ADAMTS9: variants seen among roughly 807,000 people sequenced by gnomAD.
ADAMTS9 encodes the protein A disintegrin and metalloproteinase with thrombospondin motifs 9.
In ADAMTS9, 107 loss-of-function variants were observed where a neutral mutation model predicts 257.1. The ratio of observed to expected loss-of-function variants is 0.42; its 90% CI spans 0.36 to 0.49. The LOEUF (loss-of-function observed/expected upper bound fraction) is 0.49, where lower values mean the gene tolerates loss of function less well. Among genes scored for constraint, ADAMTS9 ranks in the 20% least tolerant of loss-of-function variants. The probability of loss-of-function intolerance (pLI) is 0.03; values close to 1 mark genes in which losing one functional copy is unlikely to be tolerated. For missense variants in ADAMTS9, 2,353 were observed against 2,469.1 expected, an observed-to-expected ratio of 0.95 and a Z score of 1.00; for synonymous variants, 982 against 880.9, an observed-to-expected ratio of 1.11 and a Z score of -2.03.
At chr3:64,621,755 C>A (rs1314893444) in intron 18 of ADAMTS9, among the ~76,000 whole-genome samples, 2 of 145,946 alleles carry the variant, frequency 1.4e-5, no homozygotes, top group South Asian at 4.3e-4. Context: ...GACCAAGACT[C>A]CATCTCAAAA....
intron 23 of ADAMTS9, among the ~76,000 whole-genome samples, chr3:64,605,010 T>C (rs2106817461): frequency 6.6e-6 from 1 of 152,360 alleles, no homozygotes; most frequent in Middle Eastern, 3.4e-3. Context: ...TTAATACATA[T>C]TCATCAAATG....
chr3:64,543,859 T>C (rs572926517), intron 32 of ADAMTS9, among the ~76,000 whole-genome samples: 10 of 152,124 alleles, frequency 6.6e-5, no homozygotes, highest in Non-Finnish European at 1.3e-4. Context: ...GATTGTATAT[T>C]TAGAAAACCC....
At chr3:64,550,831 T>A in intron 31 of ADAMTS9, 61 bp downstream of exon 31, 1 of 1,597,006 alleles carries the variant, frequency 6.3e-7, no homozygotes, top group Non-Finnish European at 8.6e-7. Flanking sequence ...CCTCCACTCA[T>A]CCCTCTGCCA....
intron 27 of ADAMTS9, among the ~76,000 whole-genome samples, chr3:64,594,989 G>C (rs113589194): frequency 3.3e-5 from 5 of 152,090 alleles, no homozygotes; most frequent in African/African-American, 9.6e-5. Flanking sequence ...GGGTTTCACC[G>C]TGTTAGCCAG....
chr3:64,569,443 A>C (rs977657666), intron 28 of ADAMTS9, among the ~76,000 whole-genome samples: 1 of 152,214 alleles, frequency 6.6e-6, no homozygotes, highest in African/African-American at 2.4e-5. Flanking sequence ...TGAATTTAAG[A>C]ATGAAGAACA....
At chr3:64,547,222 C>G (rs892244756) in intron 31 of ADAMTS9, among the ~76,000 whole-genome samples, 2 of 152,096 alleles carry the variant, frequency 1.3e-5, no homozygotes, top group Non-Finnish European at 2.9e-5. Context: ...CTGGAGGTTT[C>G]GAAGGGAGGA....
chr3:64,596,521 T>A (rs1271771348), intron 27 of ADAMTS9, among the ~76,000 whole-genome samples: 1 of 152,124 alleles, frequency 6.6e-6, no homozygotes, highest in Admixed American at 6.5e-5. Context: ...ATGGACCGAT[T>A]TAACACATAT....
chr3:64,610,718 G>T (rs988398771), intron 22 of ADAMTS9, among the ~76,000 whole-genome samples: 1 of 152,074 alleles, frequency 6.6e-6, no homozygotes, highest in Non-Finnish European at 1.5e-5. Flanking sequence ...TGGAACCCTT[G>T]TATTATATGA....
intron 32 of ADAMTS9, among the ~76,000 whole-genome samples, chr3:64,543,118 T>A (rs963252800): frequency 2.6e-5 from 4 of 152,180 alleles, no homozygotes; most frequent in African/African-American, 9.7e-5. Flanking sequence ...ATTGAGGCAA[T>A]AATTAATAGC....
intron 3 of ADAMTS9, among the ~76,000 whole-genome samples, chr3:64,669,344 T>C (rs1576179667): frequency 1.3e-5 from 2 of 152,296 alleles, no homozygotes; most frequent in African/African-American, 2.4e-5. Context: ...GTCATACTTT[T>C]GAACATCCCC....
At chr3:64,556,746 C>CTTCCTTCCTTCT (rs1553702828) in intron 30 of ADAMTS9, among the ~76,000 whole-genome samples, 1 of 150,662 alleles carries the variant, frequency 6.6e-6, no homozygotes, top group Non-Finnish European at 1.5e-5. Context: ...TCCTTCCTTC[C>CTTCCTTCCTTCT]TTCCTTCCTC....
At chr3:64,532,923 GA>G (rs1212865924) in intron 38 of ADAMTS9, among the ~76,000 whole-genome samples, 1 of 152,112 alleles carries the variant, frequency 6.6e-6, no homozygotes, top group Non-Finnish European at 1.5e-5. Context: ...TAATTACTTG[GA>G]TGGTTCATAT....
chr3:64,541,134 G>C lies in ADAMTS9; in HGVS notation c.5482C>G (p.Gln1828Glu). ...DYTAAGFSSF[Q>E]KIRIDLTSMQ... is the part of the protein sequence containing the mutation. ...CTGGTCAGGTCTATTCTGATTTTCT[G>C]AAAACTGGAAAACCCAGCGGCCGTG... is the stretch of plus-strand genomic sequence containing the variant. The change falls in exon 36 of 40, where the codon CAG (glutamine) becomes GAG (glutamate). Residue 1828 changes from glutamine (Q) to glutamate (E), a missense_variant. This residue lies in a region of ADAMTS9 where 1,402 missense variants were observed against 1,441.4 expected (regional missense o/e 0.97). Transcript: ENST00000498707. 1 of 1,614,090 alleles carries C rather than the reference G, an allele frequency of 6.2e-7. No homozygotes were observed. The highest frequency in any genetic ancestry group is 8.5e-7 in the Non-Finnish European group (1 of 1,179,988).
At chr3:64,665,691 G>C (rs900605798) in intron 3 of ADAMTS9, among the ~76,000 whole-genome samples, 2 of 152,194 alleles carry the variant, frequency 1.3e-5, no homozygotes, top group African/African-American at 4.8e-5. Flanking sequence ...TCAGCACAGA[G>C]TGTGCCTGAT....
chr3:64,580,410 C>A (rs922582389), intron 28 of ADAMTS9, among the ~76,000 whole-genome samples: 1 of 152,152 alleles, frequency 6.6e-6, no homozygotes, highest in Non-Finnish European at 1.5e-5. Context: ...ATCATAGCCA[C>A]CCTCCTGCAA....
At chr3:64,546,676 G>A (rs2083203704) in intron 32 of ADAMTS9, 82 bp downstream of exon 32, 1 of 1,402,482 alleles carries the variant, frequency 7.1e-7, no homozygotes, top group African/African-American at 1.4e-5. Context: ...AGTTACTAAG[G>A]AGAGCGGGTT....
intron 9 of ADAMTS9, chr3:64,650,754 C>T (rs914144788): frequency 1.3e-5 from 5 of 371,708 alleles, no homozygotes; most frequent in African/African-American, 8.6e-5. Flanking sequence ...CAAAACTTTA[C>T]CCAAAATGAA....
At chr3:64,683,370 A>T (rs919189331) in intron 2 of ADAMTS9, among the ~76,000 whole-genome samples, 48 of 152,314 alleles carry the variant, frequency 3.2e-4, no homozygotes, top group African/African-American at 1.1e-3. Flanking sequence ...GCCTTTTTAT[A>T]AAAGAACCCT....
intron 3 of ADAMTS9, among the ~76,000 whole-genome samples, chr3:64,675,179 A>C (rs1490431352): frequency 6.6e-6 from 1 of 152,224 alleles, no homozygotes; most frequent in Non-Finnish European, 1.5e-5. Context: ...AGGCAAGTCA[A>C]CATTACAGAC....
Sources: allele counts gnomAD v4.1 joint callset (sites outside exome capture counted in the v4.1 genomes callset), GRCh38; gene constraint gnomAD v4.1.1; regional missense constraint gnomAD v4.1.1; transcripts MANE v1.5; gene names NCBI Gene and HGNC (gene_info 2026-07-23, HGNC 2026-07-21).